The following DDX60 variants were observed in gnomAD, a reference collection of about 807,000 sequenced individuals.
DDX60 encodes DExD/H-box helicase 60, also known as probable ATP-dependent RNA helicase DDX60.
Under a neutral mutation model 212.8 loss-of-function variants are expected in DDX60, and 165 were observed. The ratio of observed to expected loss-of-function variants is 0.78; its 90% confidence interval spans 0.68 to 0.88. The LOEUF (loss-of-function observed/expected upper bound fraction) is 0.88. Among genes scored for constraint, DDX60 ranks in the 40% least tolerant of loss-of-function variants. The probability of loss-of-function intolerance (pLI) is 0.00; values close to 1 mark genes in which losing one functional copy is unlikely to be tolerated. For missense variants in DDX60, 1,905 were observed against 2,003.9 expected (o/e 0.95, Z 0.94); for synonymous variants, 703 against 685.3 (o/e 1.03, Z -0.40).
chr4:168,324,714 TCTTATA>T, the DDX60 span, among the ~76,000 whole-genome samples: 2 of 152,178 alleles, frequency 1.3e-5, no homozygotes, highest in African/African-American at 4.8e-5. Flanking sequence ...GGTGGCAGGG[TCTTATA>T]CTTATGCATG....
intron 20 of DDX60, 89 bp from the exon 21 acceptor site, chr4:168,268,072 T>G: frequency 8.5e-7 from 1 of 1,178,564 alleles, no homozygotes; most frequent in Non-Finnish European, 1.2e-6. Flanking sequence ...AATTTCATCT[T>G]CCTTATAAAG....
At chr4:168,250,889 T>C (rs1254551879) in intron 28 of DDX60, 65 bp downstream of exon 28, 1 of 1,358,598 alleles carries the variant, frequency 7.4e-7, no homozygotes, top group Non-Finnish European at 1.0e-6. Context: ...ATTCTTTACT[T>C]TTCCTGAACA....
Position 168,280,595 on chromosome 4 carries a change from C to T in DDX60, c.1723-5G>A, listed in dbSNP as rs370741926. 16 of 1,595,958 alleles carry T rather than the reference C, an allele frequency of 1.0e-5. No homozygotes were observed. The highest frequency in any genetic ancestry group is 1.4e-5 in the Non-Finnish European group (16 of 1,174,232). ...AATTATTTCAGCCTTGGTCTCCTGC[C>T]CCAAAGGAAAAAACATCTCTTAAGA... On this transcript the variant is annotated splice_polypyrimidine_tract_variant and splice_region_variant and intron_variant, in intron 13 of 37. Coordinates refer to ENST00000393743, the MANE Select transcript of DDX60 (RefSeq NM_017631.6).
At position 168,221,885 on chromosome 4, in the gene DDX60, A is replaced by C; in HGVS notation, c.4825-4T>G. On this transcript the variant is annotated splice_polypyrimidine_tract_variant and splice_region_variant and intron_variant, in intron 35 of 37. Transcript: ENST00000393743. Reference sequence around the variant, plus strand: ...CACCGATTGTGCCTAGAGTAACCTGAAAAAATACGATTATTCTTAATGTAT... The same window carrying C: ...CACCGATTGTGCCTAGAGTAACCTGCAAAAATACGATTATTCTTAATGTAT... 6.2e-7 allele frequency: 1 copy of C among 1,606,772 alleles called. No individual in the cohort carries two copies. Among genetic ancestry groups the C allele is most frequent in the Non-Finnish European group, 8.5e-7 (1 of 1,175,002 alleles).
At position 168,318,153 on chromosome 4, in the gene DDX60, T is replaced by G. The variant is rs1045882328; in HGVS notation, c.-107+469A>C. ...TTCTATTGTCTTAAGCCACTGAAATTTAAGGGTGCACAGAAATTACCTGGG... is the reference window on the plus strand; with the variant it reads ...TTCTATTGTCTTAAGCCACTGAAATGTAAGGGTGCACAGAAATTACCTGGG... On this transcript the variant is annotated intron_variant, in intron 1 of 37. Transcript: ENST00000393743. 7.2e-5 allele frequency among the ~76,000 whole-genome samples: 11 copies of G among 152,326 alleles called. 1 individual carries two copies. In the South Asian group the frequency reaches 2.3e-3, roughly 32 times the overall value.
At chr4:168,291,140 A>G (rs1199650667) in intron 8 of DDX60, among the ~76,000 whole-genome samples, 2 of 152,236 alleles carry the variant, frequency 1.3e-5, no homozygotes, top group Non-Finnish European at 2.9e-5. Flanking sequence ...CTAAAAGATA[A>G]CTAGTAGCCA....
chr4:168,235,782 T>G (rs1174440880), intron 33 of DDX60, among the ~76,000 whole-genome samples: 2 of 152,092 alleles, frequency 1.3e-5, no homozygotes, highest in Non-Finnish European at 1.5e-5. Flanking sequence ...GTTTCTCTGA[T>G]TTTGGTCTCT....
At chr4:168,248,141 G>T in intron 29 of DDX60, 47 bp downstream of exon 29, 2 of 1,276,006 alleles carry the variant, frequency 1.6e-6, no homozygotes, top group Non-Finnish European at 2.2e-6. Context: ...CTACGCTATG[G>T]CCATATTTCA....
rs930243456 is a variant in DDX60, at chr4:168,280,501, C to G, written c.1812G>C (p.Leu604Phe). The G allele has an allele frequency of 6.2e-7, 1 of 1,613,984 alleles. No individual in the cohort carries two copies. The highest frequency in any genetic ancestry group is 1.3e-5 in the African/African-American group (1 of 74,900). ...EQKEEQKWNALSFSIEEQLKE... is the reference protein window; with the variant it reads ...EQKEEQKWNAFSFSIEEQLKE... ...TCAATTGCTCTTCAATAGAAAATGA[C>G]AAAGCATTCCACTTTTGCTCTTCCT... The change falls in exon 14 of 38, where the codon TTG (leucine) becomes TTC (phenylalanine). Residue 604 changes from leucine (L) to phenylalanine (F), a missense_variant. Coordinates refer to ENST00000393743, the MANE Select transcript of DDX60 (RefSeq NM_017631.6).
chr4:168,216,911 G>T lies in DDX60; in HGVS notation c.*22C>A. The T allele has an allele frequency of 6.9e-7, 1 of 1,440,294 alleles. No homozygotes were observed. Among genetic ancestry groups the T allele is most frequent in the Non-Finnish European group, 9.4e-7 (1 of 1,059,678 alleles). 89.2% of individuals were successfully genotyped at this position (1,440,294 alleles called of 1,614,324 possible). ...AAAACTACTATGGAATTATTTTTAA[G>T]TGGTTTGCATAGACTTTGTTTTTAG... On this transcript the variant is annotated 3_prime_UTR_variant, in exon 38 of 38. Coordinates refer to ENST00000393743, the MANE Select transcript of DDX60 (RefSeq NM_017631.6).
At chr4:168,236,478 A>C (rs1284404084) in intron 32 of DDX60, 105 bp from the exon 33 acceptor site, 6 of 1,021,618 alleles carry the variant, frequency 5.9e-6, no homozygotes, top group Middle Eastern at 3.3e-4. Flanking sequence ...GAAACTAAAA[A>C]TTTATGACAA....
At position 168,225,627 on chromosome 4, in the gene DDX60, T is replaced by C. The variant is rs1733225666; in HGVS notation, c.4583A>G (p.Tyr1528Cys). ...PEDFSDALDEYNMKIMEDFTT... is the reference protein window; with the variant it reads ...PEDFSDALDECNMKIMEDFTT... ...AAAGTCCTCCATAATTTTCATGTTATATTCATCTAAAGCATCACTAAAATC... is the reference window on the plus strand; with the variant it reads ...AAAGTCCTCCATAATTTTCATGTTACATTCATCTAAAGCATCACTAAAATC... Residue 1528 changes from tyrosine to cysteine, a missense_variant, in exon 34 of 38, where the codon TAT becomes TGT. Physicochemically the swap from Tyr to Cys is radical, Grantham distance 194. Coordinates refer to ENST00000393743, the MANE Select transcript of DDX60 (RefSeq NM_017631.6). 1 of 1,611,772 alleles carries C rather than the reference T, an allele frequency of 6.2e-7. No individual in the cohort carries two copies. The highest frequency in any genetic ancestry group is 1.3e-5 in the African/African-American group (1 of 74,834).
rs767858261 is a variant in DDX60 at position 168,276,191 on chromosome 4, C to A, written c.1979-10G>T. 6.3e-7 allele frequency: 1 copy of A among 1,579,740 alleles called. No homozygotes were observed. Among genetic ancestry groups the A allele is most frequent in the East Asian group, 2.3e-5 (1 of 44,218 alleles). ...TCTTTCGTGGTTTTACCTTGATAAA[C>A]AATAAACAATAAAATTGTTATAAAG... is the stretch of plus-strand genomic sequence containing the variant. On this transcript the variant is annotated splice_polypyrimidine_tract_variant and intron_variant, in intron 14 of 37. Coordinates refer to ENST00000393743, the MANE Select transcript of DDX60 (RefSeq NM_017631.6).
chr4:168,283,348 G>T, intron 13 of DDX60, 98 bp downstream of exon 13: 1 of 972,816 alleles, frequency 1.0e-6, no homozygotes, highest in Non-Finnish European at 1.5e-6. Context: ...ATCAAGAAAA[G>T]GCATTATATA....
intron 6 of DDX60, among the ~76,000 whole-genome samples, chr4:168,299,048 C>A (rs927640338): frequency 1.3e-5 from 2 of 150,336 alleles, no homozygotes; most frequent in Non-Finnish European, 3.0e-5. Context: ...GTAGTCCCAG[C>A]TACTCGGAAG....
intron 6 of DDX60, among the ~76,000 whole-genome samples, chr4:168,294,364 G>T (rs1736248063): frequency 6.6e-6 from 1 of 152,094 alleles, no homozygotes; most frequent in Non-Finnish European, 1.5e-5. Context: ...TGATATTTTG[G>T]ATACGGCCAC....
Position 168,216,890 on chromosome 4 carries a change from C to A in DDX60, c.*43G>T, listed in dbSNP as rs1244188892. On this transcript the variant is annotated 3_prime_UTR_variant, in exon 38 of 38. Transcript: ENST00000393743. ...AGAATCAAAAACGTGACCTGAAAAA[C>A]TACTATGGAATTATTTTTAAGTGGT... The A allele has an allele frequency of 7.8e-7, 1 of 1,284,888 alleles. No individual in the cohort carries two copies. The highest frequency in any genetic ancestry group is 1.1e-6 in the Non-Finnish European group (1 of 921,822). The allele number at this position is 1,284,888 out of a possible 1,614,324, so 79.6% of individuals were successfully genotyped here.
chr4:168,313,309 T>A (rs566905000), intron 1 of DDX60, among the ~76,000 whole-genome samples: 1 of 152,300 alleles, frequency 6.6e-6, no homozygotes, highest in African/African-American at 2.4e-5. Context: ...AGCATCAGTT[T>A]AATGCATAAA....
chr4:168,217,017 C>T lies in DDX60; in HGVS notation c.5055G>A (p.Glu1685=). ...CGTTGTCGTCTTCATTTTCACATAGCTCACGCAAGGAAACACTGGAAATGG... is the reference window on the plus strand; with the variant it reads ...CGTTGTCGTCTTCATTTTCACATAGTTCACGCAAGGAAACACTGGAAATGG... ...TIKSISVSLR[E]LCENEDDNVV... is the part of the protein sequence containing the mutation. Residue 1685 remains glutamate, a synonymous_variant, in exon 38 of 38, where the codon GAG becomes GAA. Transcript: ENST00000393743. The T allele has an allele frequency of 6.2e-7, 1 of 1,605,352 alleles. No individual in the cohort carries two copies. The highest frequency in any genetic ancestry group is 8.5e-7 in the Non-Finnish European group (1 of 1,177,134).
Sources: gnomAD v4.1 joint callset for allele counts (sites outside exome capture counted in the v4.1 genomes callset) on GRCh38, gnomAD v4.1.1 for gene constraint, MANE v1.5 for transcripts, NCBI Gene and HGNC (gene_info 2026-07-23, HGNC 2026-07-21) for gene names.